The following SCHIP1 variants were observed in gnomAD, a reference collection of about 807,000 sequenced individuals.
SCHIP1 encodes schwannomin-interacting protein 1.
In SCHIP1, 8 loss-of-function variants were observed where a neutral mutation model predicts 29.7. That is an observed-to-expected ratio of 0.27 (90% CI 0.16 to 0.49). The LOEUF (loss-of-function observed/expected upper bound fraction) is 0.49. Ranked by LOEUF, SCHIP1 falls within the 20% of genes least tolerant of loss-of-function variation. The pLI is 0.99. For synonymous variants in SCHIP1, 76 were observed against 94.9 expected, an observed-to-expected ratio of 0.80 and a Z score of 1.16; for missense variants, 193 against 294.6, an observed-to-expected ratio of 0.66 and a Z score of 2.52.
the SCHIP1 span, among the ~76,000 whole-genome samples, chr3:159,560,800 A>G: frequency 2.0e-5 from 3 of 152,100 alleles, no homozygotes; most frequent in African/African-American, 7.2e-5. Context: ...GGCCTGCAGC[A>G]CCACTGGGCT....
the SCHIP1 span, among the ~76,000 whole-genome samples, chr3:159,314,928 T>G: frequency 6.6e-6 from 1 of 152,238 alleles, no homozygotes; most frequent in Non-Finnish European, 1.5e-5. Flanking sequence ...TTGGATTATT[T>G]CCAGTTTTAT....
At chr3:159,483,676 G>A in the SCHIP1 span, among the ~76,000 whole-genome samples, 1 of 152,174 alleles carries the variant, frequency 6.6e-6, no homozygotes, top group Non-Finnish European at 1.5e-5. Flanking sequence ...AATGAAATTT[G>A]TGATAAAATT....
chr3:159,555,463 T>C, the SCHIP1 span, among the ~76,000 whole-genome samples: 1 of 152,232 alleles, frequency 6.6e-6, no homozygotes, highest in African/African-American at 2.4e-5. Flanking sequence ...TTTCTAATGG[T>C]CACAGTATGT....
chr3:159,702,109 T>G, the SCHIP1 span, among the ~76,000 whole-genome samples: 1 of 152,208 alleles, frequency 6.6e-6, no homozygotes, highest in Non-Finnish European at 1.5e-5. Context: ...ATTTTGACAT[T>G]GAATAATACA....
At chr3:159,523,963 T>C in the SCHIP1 span, among the ~76,000 whole-genome samples, 1 of 152,206 alleles carries the variant, frequency 6.6e-6, no homozygotes, top group South Asian at 2.1e-4. Flanking sequence ...ACACAGGCAT[T>C]CTAGGCCTTG....
the SCHIP1 span, among the ~76,000 whole-genome samples, chr3:159,429,280 T>C: frequency 1.3e-5 from 2 of 151,892 alleles, no homozygotes; most frequent in Admixed American, 1.3e-4. Flanking sequence ...TCATAAGCTC[T>C]TGAAGATTTC....
chr3:159,283,402 C>G, the SCHIP1 span, among the ~76,000 whole-genome samples: 5 of 152,258 alleles, frequency 3.3e-5, no homozygotes, highest in Admixed American at 6.5e-5. Flanking sequence ...ATCCGCCGCC[C>G]GCCTTGGCCT....
chr3:159,714,601 C>T, the SCHIP1 span, among the ~76,000 whole-genome samples: 5 of 152,354 alleles, frequency 3.3e-5, no homozygotes, highest in East Asian at 3.9e-4. Context: ...GATTATATCC[C>T]GTGCCTGGCT....
the SCHIP1 span, among the ~76,000 whole-genome samples, chr3:159,466,439 T>A: frequency 6.6e-6 from 1 of 152,150 alleles, no homozygotes; most frequent in African/African-American, 2.4e-5. Context: ...ACAAAGGGGA[T>A]AATAGAATTG....
chr3:159,677,929 G>A, the SCHIP1 span, among the ~76,000 whole-genome samples: 1 of 152,112 alleles, frequency 6.6e-6, no homozygotes, highest in Non-Finnish European at 1.5e-5. Flanking sequence ...TCGAAGTCAC[G>A]GCCTCAAGCA....
At chr3:159,881,208 C>A (rs923135676) in intron 2 of SCHIP1, among the ~76,000 whole-genome samples, 1 of 152,092 alleles carries the variant, frequency 6.6e-6, no homozygotes, top group African/African-American at 2.4e-5. Flanking sequence ...TTTTTAGATA[C>A]TTGAGTAGTT....
At chr3:159,802,588 T>A in the SCHIP1 span, among the ~76,000 whole-genome samples, 1 of 152,228 alleles carries the variant, frequency 6.6e-6, no homozygotes, top group Non-Finnish European at 1.5e-5. Flanking sequence ...GTGACCTTTC[T>A]GATGTTATAC....
chr3:159,519,321 A>C, the SCHIP1 span, among the ~76,000 whole-genome samples: 1 of 152,194 alleles, frequency 6.6e-6, no homozygotes, highest in Admixed American at 6.5e-5. Flanking sequence ...TGATTTGGCC[A>C]AGTCATTATA....
chr3:159,322,633 A>G, the SCHIP1 span, among the ~76,000 whole-genome samples: 1 of 152,168 alleles, frequency 6.6e-6, no homozygotes. Flanking sequence ...ATCACTAGAT[A>G]ATTTATTCTG....
At chr3:159,371,678 G>A in the SCHIP1 span, among the ~76,000 whole-genome samples, 2 of 152,240 alleles carry the variant, frequency 1.3e-5, no homozygotes, top group Non-Finnish European at 2.9e-5. Context: ...CGGATGCTGA[G>A]GACTCTGATA....
the SCHIP1 span, among the ~76,000 whole-genome samples, chr3:159,422,993 G>C: frequency 1.4e-3 from 208 of 152,276 alleles, no homozygotes; most frequent in Non-Finnish European, 2.5e-3. Context: ...ACACCCTTCT[G>C]TAAGTGACCT....
the SCHIP1 span, among the ~76,000 whole-genome samples, chr3:159,745,065 T>G: frequency 6.6e-6 from 1 of 152,192 alleles, no homozygotes; most frequent in Admixed American, 6.5e-5. Context: ...TGTCCTGCCC[T>G]CAGCCTGCCT....
chr3:159,762,514 G>A, the SCHIP1 span, among the ~76,000 whole-genome samples: 1 of 152,118 alleles, frequency 6.6e-6, no homozygotes, highest in East Asian at 1.9e-4. Context: ...GAATTCATTT[G>A]GTCCAGGCTA....
At chr3:159,373,944 A>C in the SCHIP1 span, among the ~76,000 whole-genome samples, 12 of 152,302 alleles carry the variant, frequency 7.9e-5, no homozygotes, top group African/African-American at 2.9e-4. Flanking sequence ...ACTCACAAGT[A>C]AGATTACTGG....
Sources: gnomAD v4.1 joint callset for allele counts (sites outside exome capture counted in the v4.1 genomes callset) on GRCh38, gnomAD v4.1.1 for gene constraint, MANE v1.5 for transcripts, NCBI Gene and HGNC (gene_info 2026-07-23, HGNC 2026-07-21) for gene names.